Variants in AGTPBP1 observed in about 807,000 individuals in gnomAD.
AGTPBP1 encodes cytosolic carboxypeptidase 1.
A neutral mutation model predicts 143.9 loss-of-function variants in AGTPBP1; 70 were observed. The observed-to-expected ratio is 0.49, with a 90% CI of 0.40 to 0.59. The LOEUF (loss-of-function observed/expected upper bound fraction) is 0.59, where lower values mean the gene tolerates loss of function less well. AGTPBP1 is among the 20% of genes least tolerant of loss of function. The pLI, the probability that AGTPBP1 is intolerant of heterozygous loss-of-function variation, is 0.00. For missense variants in AGTPBP1, 1,229 were observed against 1,464.5 expected, an observed-to-expected ratio of 0.84 and a Z score of 2.62; for synonymous variants, 463 against 500.2, an observed-to-expected ratio of 0.93 and a Z score of 0.99.
chr9:85,753,667 G>A, the AGTPBP1 span, among the ~76,000 whole-genome samples: 2 of 151,946 alleles, frequency 1.3e-5, no homozygotes, highest in African/African-American at 2.4e-5. Context: ...CAGGAGAATC[G>A]CTTGAACCCT....
intron 22 of AGTPBP1, 68 bp downstream of exon 22, chr9:85,586,763 G>C (rs1044686597): frequency 6.5e-7 from 1 of 1,535,000 alleles, no homozygotes; most frequent in African/African-American, 1.4e-5. Context: ...TATCACACAA[G>C]TGCTTGATAA....
At chr9:85,706,665 T>C (rs1461181506) in intron 2 of AGTPBP1, among the ~76,000 whole-genome samples, 2 of 150,898 alleles carry the variant, frequency 1.3e-5, no homozygotes, top group South Asian at 2.1e-4. Context: ...CATCAGGAGA[T>C]CGAGACTATC....
intron 25 of AGTPBP1, among the ~76,000 whole-genome samples, chr9:85,553,030 T>C (rs1257325189): frequency 6.6e-6 from 1 of 152,238 alleles, no homozygotes; most frequent in Non-Finnish European, 1.5e-5. Context: ...TTCATTTATA[T>C]AATTTATAAA....
intron 1 of AGTPBP1, among the ~76,000 whole-genome samples, chr9:85,716,339 G>C (rs1357468023): frequency 6.6e-6 from 1 of 152,144 alleles, no homozygotes. Context: ...CCAGGGCTTA[G>C]TCCTTTCTTG....
the AGTPBP1 span, among the ~76,000 whole-genome samples, chr9:85,794,133 T>C: frequency 1.3e-5 from 2 of 152,144 alleles, no homozygotes; most frequent in Non-Finnish European, 2.9e-5. Flanking sequence ...TGAGCTCACA[T>C]ATATATAAAG....
Position 85,559,094 on chromosome 9 carries a change from G to C in AGTPBP1, c.3504-11808C>G, listed in dbSNP as rs545207715. ...AAACTGTTTAATAGTTCAGATAATAGATAAAATAAAAATGACTTTTGCTAA... is the reference window on the plus strand; with the variant it reads ...AAACTGTTTAATAGTTCAGATAATACATAAAATAAAAATGACTTTTGCTAA... On this transcript the variant is annotated intron_variant, in intron 25 of 25. Transcript: ENST00000357081. 9.2e-5 allele frequency among the ~76,000 whole-genome samples: 14 copies of C among 152,220 alleles called. No homozygotes were observed. The South Asian group carries it at 2.7e-3, about 29-fold the overall frequency.
intron 14 of AGTPBP1, among the ~76,000 whole-genome samples, chr9:85,624,051 G>T (rs924804446): frequency 6.6e-6 from 1 of 152,142 alleles, no homozygotes; most frequent in Non-Finnish European, 1.5e-5. Context: ...GTGATATGTG[G>T]CCACCAGCAA....
At position 85,689,898 on chromosome 9, in the gene AGTPBP1, C is replaced by CAAAAAAA. The variant is rs1156931410; in HGVS notation, c.157+2784_157+2790dup. ...CAACAGAGTGAGAGAGACTCTGCCTCAAAAAAAAAAAAAAAAAAAAAAAAA... is the reference window on the plus strand; with the variant it reads ...CAACAGAGTGAGAGAGACTCTGCCTCAAAAAAAAAAAAAAAAAAAAAAAAAAAAAAAA... On this transcript the variant is annotated intron_variant, in intron 3 of 25. Coordinates refer to ENST00000357081, the MANE Select transcript of AGTPBP1 (RefSeq NM_001330701.2). Among the ~76,000 whole-genome samples, 9 of 28,346 alleles carry CAAAAAAA rather than the reference C, an allele frequency of 3.2e-4. 1 individual carries two copies. The highest frequency in any genetic ancestry group is 4.7e-4 in the Non-Finnish European group (8 of 16,988). The allele number at this position is 28,346 out of a possible 152,430, so 18.6% of individuals were successfully genotyped here.
chr9:85,574,240 G>A (rs1827744928), intron 25 of AGTPBP1, among the ~76,000 whole-genome samples: 1 of 152,066 alleles, frequency 6.6e-6, no homozygotes, highest in South Asian at 2.1e-4. Context: ...GGCGGTGCAA[G>A]ATGTGCTTTG....
intron 1 of AGTPBP1, among the ~76,000 whole-genome samples, chr9:85,739,696 G>A (rs1390810950): frequency 2.9e-5 from 4 of 139,134 alleles, no homozygotes; most frequent in East Asian, 2.3e-4. Flanking sequence ...CGACAAGAGC[G>A]AAACTCCGTC....
the AGTPBP1 span, chr9:85,781,120 A>G: frequency 6.9e-7 from 1 of 1,442,990 alleles, no homozygotes; most frequent in South Asian, 1.5e-5. Flanking sequence ...ACTCCGTTTC[A>G]AAAAGACAAA....
chr9:85,628,736 T>C (rs188765693), intron 14 of AGTPBP1, among the ~76,000 whole-genome samples: 231 of 152,252 alleles, frequency 1.5e-3, no homozygotes, highest in African/African-American at 5.4e-3. Context: ...GTTTTTGAGA[T>C]GGAGTCTCAC....
chr9:85,669,650 C>T lies in AGTPBP1; in HGVS notation c.569-72G>A. 5 of 939,092 alleles carry T rather than the reference C, an allele frequency of 5.3e-6. No homozygotes were observed. In the South Asian group the frequency reaches 7.0e-5, roughly 13 times the overall value. The allele number at this position is 939,092 out of a possible 1,614,324, so 58.2% of individuals were successfully genotyped here. ...CCAAAAATGTGTATACTTAGTGATA[C>T]ATAGGCAAAAACATATACAAATTGT... On this transcript the variant is annotated intron_variant, in intron 7 of 25. Coordinates refer to ENST00000357081, the MANE Select transcript of AGTPBP1 (RefSeq NM_001330701.2).
In AGTPBP1 at chr9:85,677,417, T is replaced by A. The variant is rs140345402; in HGVS notation, c.436+19A>T. The stretch of plus-strand genomic sequence containing the variant: ...AAAATAGTTCTAGATACAATAATCA[T>A]ACAAATGAAATCCCTTACCTTTTGG... On this transcript the variant is annotated intron_variant, in intron 6 of 25. Coordinates refer to ENST00000357081, the MANE Select transcript of AGTPBP1 (RefSeq NM_001330701.2). 1.1e-3 allele frequency: 1,687 copies of A among 1,601,918 alleles called. 15 individuals are homozygous for A. The African/African-American group carries it at 0.019, about 18-fold the overall frequency.
chr9:85,668,999 GTGTGTGTGTA>G (rs1587862188), intron 8 of AGTPBP1, among the ~76,000 whole-genome samples: 2 of 82,770 alleles, frequency 2.4e-5, no homozygotes, highest in East Asian at 4.9e-4. Context: ...GTGTGTGTGT[GTGTGTGTGTA>G]TACATACACA....
intron 1 of AGTPBP1, 74 bp downstream of exon 1, chr9:85,741,701 C>T (rs1426200607): frequency 2.4e-6 from 3 of 1,267,458 alleles, no homozygotes; most frequent in Non-Finnish European, 3.0e-6. Context: ...GGCGCCGTCG[C>T]TCGCATCTCC....
chr9:85,692,581 T>TC (rs1835951498), intron 3 of AGTPBP1, 108 bp downstream of exon 3: 1 of 1,420,232 alleles, frequency 7.0e-7, no homozygotes, highest in African/African-American at 1.4e-5. Flanking sequence ...GCCTGAAAGT[T>TC]CAATTTTTGT....
intron 2 of AGTPBP1, among the ~76,000 whole-genome samples, chr9:85,699,703 C>G (rs1223705681): frequency 6.6e-6 from 1 of 151,792 alleles, no homozygotes; most frequent in Non-Finnish European, 1.5e-5. Context: ...CAAAATGCAC[C>G]TTATCTTTCA....
intron 3 of AGTPBP1, among the ~76,000 whole-genome samples, chr9:85,688,645 A>T (rs1012764210): frequency 1.5e-4 from 23 of 152,226 alleles, no homozygotes; most frequent in African/African-American, 5.5e-4. Context: ...CATTTGCATG[A>T]AAGTGGATAA....
Sources: allele counts gnomAD v4.1 joint callset (sites outside exome capture counted in the v4.1 genomes callset), GRCh38; gene constraint gnomAD v4.1.1; transcripts MANE v1.5; gene names NCBI Gene and HGNC (gene_info 2026-07-23, HGNC 2026-07-21).